Variants in EYS observed in about 807,000 individuals in gnomAD.
EYS encodes the protein EGF-like photoreceptor maintenance factor.
A neutral mutation model predicts 282.1 loss-of-function variants in EYS; 250 were observed. The observed-to-expected ratio is 0.89, with a 90% CI of 0.80 to 0.98. The LOEUF (loss-of-function observed/expected upper bound fraction) is 0.98. EYS is among the 50% of genes least tolerant of loss of function. The pLI is 0.00. For synonymous variants in EYS, 1,355 were observed against 1,282.9 expected (o/e 1.06, Z -1.20); for missense variants, 4,016 against 3,709.0 (o/e 1.08, Z -2.15).
At chr6:65,578,092 T>C (rs535546590) in intron 2 of EYS, among the ~76,000 whole-genome samples, 2 of 151,772 alleles carry the variant, frequency 1.3e-5, no homozygotes, top group East Asian at 1.9e-4. Flanking sequence ...ATCCAAAGAG[T>C]ATGAAATCAG....
intron 41 of EYS, among the ~76,000 whole-genome samples, chr6:63,734,366 T>C (rs1394061348): frequency 6.6e-6 from 1 of 152,120 alleles, no homozygotes; most frequent in South Asian, 2.1e-4. Flanking sequence ...CAAGACTGTC[T>C]TATAAGAATG....
At chr6:63,786,252 A>G (rs982773839) in intron 39 of EYS, 4 of 151,598 alleles carry the variant, frequency 2.6e-5, no homozygotes, top group Non-Finnish European at 5.9e-5. Flanking sequence ...TAAAGAGTTT[A>G]TAAAAATGTA....
intron 12 of EYS, among the ~76,000 whole-genome samples, chr6:65,223,666 T>C (rs1766537239): frequency 6.6e-6 from 1 of 152,136 alleles, no homozygotes. Flanking sequence ...GAACAGCACC[T>C]TATATCACAT....
chr6:65,046,644 C>A (rs1413995275), intron 13 of EYS, among the ~76,000 whole-genome samples: 3 of 151,824 alleles, frequency 2.0e-5, no homozygotes, highest in African/African-American at 4.8e-5. Context: ...GTCAAACTAG[C>A]AACTCCTAAA....
At chr6:65,043,892 C>G (rs754373873) in intron 13 of EYS, among the ~76,000 whole-genome samples, 19 of 151,642 alleles carry the variant, frequency 1.3e-4, no homozygotes, top group Non-Finnish European at 2.7e-4. Context: ...CCTTTGCATA[C>G]ATACCCAGAA....
At chr6:64,580,866 T>C (rs1766038378) in intron 26 of EYS, among the ~76,000 whole-genome samples, 1 of 152,050 alleles carries the variant, frequency 6.6e-6, no homozygotes, top group Non-Finnish European at 1.5e-5. Context: ...TTCCTAAATA[T>C]AATTCATAGT....
chr6:65,430,099 T>C (rs1767825106), intron 5 of EYS, among the ~76,000 whole-genome samples: 2 of 152,088 alleles, frequency 1.3e-5, no homozygotes, highest in South Asian at 4.2e-4. Context: ...GGTTGAGAGG[T>C]AGAGCAAGAT....
intron 7 of EYS, 147 bp downstream of exon 7, chr6:65,402,330 CA>C (rs944484133): frequency 1.9e-4 from 89 of 468,024 alleles, no homozygotes; most frequent in Middle Eastern, 6.4e-4. Context: ...CCAAAACATG[CA>C]AAAAAAATTT....
chr6:64,429,416 A>C (rs1193797193), intron 28 of EYS, among the ~76,000 whole-genome samples: 1 of 152,184 alleles, frequency 6.6e-6, no homozygotes, highest in Non-Finnish European at 1.5e-5. Flanking sequence ...GGATCAGTTG[A>C]GGTCAGGAGT....
chr6:63,771,412 T>G (rs1769923870), intron 40 of EYS, among the ~76,000 whole-genome samples: 1 of 152,144 alleles, frequency 6.6e-6, no homozygotes, highest in Admixed American at 6.6e-5. Flanking sequence ...AACCTCTTCC[T>G]TCAACATTGT....
intron 35 of EYS, among the ~76,000 whole-genome samples, chr6:63,952,679 T>C (rs1765650635): frequency 6.6e-6 from 1 of 152,154 alleles, no homozygotes; most frequent in South Asian, 2.1e-4. Flanking sequence ...TCCCTGACTA[T>C]TCCTAGGCTA....
In EYS at chr6:64,740,734, T is replaced by A. The variant is rs554820022; in HGVS notation, c.3443+72644A>T. Among the ~76,000 whole-genome samples, 14 of 117,374 alleles carry A rather than the reference T, an allele frequency of 1.2e-4. No individual in the cohort carries two copies. In the East Asian group the frequency reaches 2.9e-3, roughly 25 times the overall value. The allele number at this position is 117,374 out of a possible 152,430, so 77.0% of individuals were successfully genotyped here. On this transcript the variant is annotated intron_variant, in intron 22 of 42. Coordinates refer to ENST00000503581, the MANE Select transcript of EYS (RefSeq NM_001142800.2). ...TGTCCACTTTTTTTTTTTTTTTTTTTACTGAGTCTCGCTCTGTCACCCAGG... is the reference window on the plus strand; with the variant it reads ...TGTCCACTTTTTTTTTTTTTTTTTTAACTGAGTCTCGCTCTGTCACCCAGG...
At chr6:63,860,534 TG>T (rs1305179137) in intron 36 of EYS, among the ~76,000 whole-genome samples, 4 of 152,242 alleles carry the variant, frequency 2.6e-5, no homozygotes, top group Non-Finnish European at 5.9e-5. Flanking sequence ...TGAGACTTTT[TG>T]TATAGCTCCT....
intron 13 of EYS, among the ~76,000 whole-genome samples, chr6:65,023,662 A>G (rs572722981): frequency 2.0e-5 from 3 of 152,372 alleles, no homozygotes; most frequent in South Asian, 4.1e-4. Context: ...TTTTGAAACC[A>G]GTTGAAGCAG....
At chr6:64,540,470 T>C (rs1050460543) in intron 26 of EYS, among the ~76,000 whole-genome samples, 6 of 142,340 alleles carry the variant, frequency 4.2e-5, no homozygotes, top group East Asian at 2.1e-4. Flanking sequence ...GAGGTCCAAG[T>C]ACAGATTTTT....
intron 22 of EYS, among the ~76,000 whole-genome samples, chr6:64,723,358 T>C (rs879709845): frequency 2.0e-5 from 3 of 152,208 alleles, no homozygotes; most frequent in Non-Finnish European, 2.9e-5. Context: ...ATGTTGTTTT[T>C]GTAAAGGACA....
At chr6:64,010,040 G>A (rs188725120) in intron 33 of EYS, among the ~76,000 whole-genome samples, 8 of 151,610 alleles carry the variant, frequency 5.3e-5, no homozygotes, top group African/African-American at 1.9e-4. Flanking sequence ...CTCCTGGGCT[G>A]TGTGCTCTAA....
chr6:64,394,883 C>T (rs1278483811), intron 28 of EYS, among the ~76,000 whole-genome samples: 4 of 152,146 alleles, frequency 2.6e-5, no homozygotes, highest in African/African-American at 4.8e-5. Flanking sequence ...ACCTACTCAT[C>T]TGACAAAGGG....
intron 22 of EYS, among the ~76,000 whole-genome samples, chr6:64,645,612 C>T (rs1258725456): frequency 6.6e-6 from 1 of 152,154 alleles, no homozygotes; most frequent in Non-Finnish European, 1.5e-5. Context: ...CTATAAATAT[C>T]CACAAGCTTT....
Sources: gnomAD v4.1 joint callset for allele counts (sites outside exome capture counted in the v4.1 genomes callset) on GRCh38, gnomAD v4.1.1 for gene constraint, MANE v1.5 for transcripts, NCBI Gene and HGNC (gene_info 2026-07-23, HGNC 2026-07-21) for gene names.